The following RAB27A variants were observed in gnomAD, a reference collection of about 807,000 sequenced individuals.
The protein encoded by RAB27A is RAB27A, member RAS oncogene family.
In RAB27A, 17 loss-of-function variants were observed where a neutral mutation model predicts 20.8. The ratio of observed to expected loss-of-function variants is 0.82; its 90% CI spans 0.56 to 1.23. The LOEUF (loss-of-function observed/expected upper bound fraction) is 1.23, where lower values mean the gene tolerates loss of function less well. Ranked by LOEUF, RAB27A falls within the 50% of genes most tolerant of loss-of-function variation. RAB27A has a pLI of 0.00. For missense variants in RAB27A, 277 were observed against 266.7 expected (o/e 1.04, Z -0.27); for synonymous variants, 85 against 92.8 (o/e 0.92, Z 0.48).
At chr15:55,306,256 G>A (rs1266928604) in intron 2 of RAB27A, among the ~76,000 whole-genome samples, 1 of 152,180 alleles carries the variant, frequency 6.6e-6, no homozygotes, top group African/African-American at 2.4e-5. Context: ...TTTATGTGTT[G>A]AAGTTGTTCC....
chr15:55,259,659 A>G (rs577653926), intron 2 of RAB27A, among the ~76,000 whole-genome samples: 14 of 152,200 alleles, frequency 9.2e-5, no homozygotes, highest in Non-Finnish European at 1.8e-4. Flanking sequence ...TTTTTATTTA[A>G]GTCTTTAATA....
At chr15:55,212,974 T>C (rs1895101323) in intron 6 of RAB27A, among the ~76,000 whole-genome samples, 1 of 152,246 alleles carries the variant, frequency 6.6e-6, no homozygotes, top group Admixed American at 6.5e-5. Context: ...GTCGAAGTCA[T>C]CCTTTATACA....
intron 2 of RAB27A, among the ~76,000 whole-genome samples, chr15:55,299,049 T>A (rs1021286390): frequency 6.6e-6 from 1 of 152,184 alleles, no homozygotes; most frequent in Non-Finnish European, 1.5e-5. Context: ...TGAGGTGACA[T>A]ACATCCTCCT....
chr15:55,282,607 T>C (rs535860530), intron 1 of RAB27A, among the ~76,000 whole-genome samples: 19 of 152,272 alleles, frequency 1.2e-4, no homozygotes, highest in South Asian at 6.2e-4. Context: ...ATCTGGGAAG[T>C]AGACATTCCT....
At chr15:55,301,578 T>C (rs970509470) in intron 2 of RAB27A, among the ~76,000 whole-genome samples, 2 of 151,902 alleles carry the variant, frequency 1.3e-5, no homozygotes, top group Non-Finnish European at 2.9e-5. Context: ...TGGTTTTTAA[T>C]ATATTCACAA....
At position 55,204,116 on chromosome 15, in the gene RAB27A, G is replaced by A. The variant is rs1894530067; in HGVS notation, c.*1391C>T. ...TATTTTTATTCTTTATTTAAATTAT[G>A]GTGAGTGATATTTCTTCCTATATAG... On this transcript the variant is annotated 3_prime_UTR_variant, in exon 7 of 7. Transcript: ENST00000336787. 6.6e-6 allele frequency: 1 copy of A among 151,986 alleles called. No individual in the cohort carries two copies. Among genetic ancestry groups the A allele is most frequent in the Non-Finnish European group, 1.5e-5 (1 of 67,990 alleles). 9.4% of individuals were successfully genotyped at this position (151,986 alleles called of 1,614,324 possible). A position where few individuals can be genotyped will look rare whatever the true frequency, so the allele number is the denominator to read the frequency against.
At chr15:55,210,496 C>T (rs1359378093) in intron 6 of RAB27A, among the ~76,000 whole-genome samples, 1 of 149,764 alleles carries the variant, frequency 6.7e-6, no homozygotes, top group Admixed American at 6.6e-5. Context: ...TATCTCATTG[C>T]AGTTTTGATT....
At position 55,222,788 on chromosome 15, in the gene RAB27A, C is replaced by T. The variant is rs139154400; in HGVS notation, c.467+1101G>A. ...GGTAACATCCCCTACACCATCTACA[C>T]CATCTCTATTTCCCTCCCCTCCCTT... is the stretch of plus-strand genomic sequence containing the variant. On this transcript the variant is annotated intron_variant, in intron 6 of 6. Coordinates refer to ENST00000336787, the MANE Select transcript of RAB27A (RefSeq NM_183235.3). Among the ~76,000 whole-genome samples the T allele has an allele frequency of 3.5e-3, 536 of 152,324 alleles. 1 individual carries two copies. The highest frequency in any genetic ancestry group is 5.4e-3 in the Non-Finnish European group (366 of 68,036).
At chr15:55,209,069 G>C (rs981932783) in intron 6 of RAB27A, among the ~76,000 whole-genome samples, 2 of 152,110 alleles carry the variant, frequency 1.3e-5, no homozygotes, top group Non-Finnish European at 2.9e-5. Context: ...TTAATACACT[G>C]ATATAATGTG....
intron 1 of RAB27A, among the ~76,000 whole-genome samples, chr15:55,318,174 T>C (rs1195188323): frequency 1.3e-5 from 2 of 150,116 alleles, no homozygotes; most frequent in African/African-American, 4.9e-5. Flanking sequence ...CTCGGCTCAC[T>C]GCAAGCTCCG....
chr15:55,311,386 G>T (rs1397039183), intron 2 of RAB27A, among the ~76,000 whole-genome samples: 1 of 152,164 alleles, frequency 6.6e-6, no homozygotes, highest in Non-Finnish European at 1.5e-5. Context: ...CCACTGCTTG[G>T]AGTGGGCATA....
At chr15:55,207,810 G>A (rs1894725158) in intron 6 of RAB27A, among the ~76,000 whole-genome samples, 1 of 152,070 alleles carries the variant, frequency 6.6e-6, no homozygotes, top group Non-Finnish European at 1.5e-5. Flanking sequence ...AGCCTCCCAA[G>A]TAGCTGGGAC....
chr15:55,244,220 C>G (rs758467875), intron 2 of RAB27A, among the ~76,000 whole-genome samples: 5 of 152,062 alleles, frequency 3.3e-5, no homozygotes, highest in Non-Finnish European at 7.4e-5. Context: ...GGGGTTGAGG[C>G]AGGAGAATCA....
chr15:55,226,760 C>T (rs1412895961), intron 5 of RAB27A, among the ~76,000 whole-genome samples: 5 of 150,248 alleles, frequency 3.3e-5, no homozygotes, highest in East Asian at 3.9e-4. Flanking sequence ...CCCAGCTACT[C>T]GGGAGGCTGA....
intron 1 of RAB27A, among the ~76,000 whole-genome samples, chr15:55,286,215 A>G (rs1018961593): frequency 1.3e-5 from 2 of 152,170 alleles, no homozygotes; most frequent in Non-Finnish European, 2.9e-5. Flanking sequence ...AATGATCCCT[A>G]TTGCTCTGTC....
At chr15:55,218,244 C>T (rs1595681054) in intron 6 of RAB27A, among the ~76,000 whole-genome samples, 2 of 152,030 alleles carry the variant, frequency 1.3e-5, no homozygotes, top group East Asian at 3.9e-4. Flanking sequence ...AATTGAACAA[C>T]ATTTCCAGGA....
chr15:55,306,511 T>C (rs752957424), intron 2 of RAB27A, among the ~76,000 whole-genome samples: 6 of 152,176 alleles, frequency 3.9e-5, no homozygotes, highest in Non-Finnish European at 7.3e-5. Context: ...GTTTTTCTCT[T>C]GCCTGATCTT....
intron 2 of RAB27A, among the ~76,000 whole-genome samples, chr15:55,299,914 G>T (rs1439595127): frequency 6.6e-6 from 1 of 150,846 alleles, no homozygotes; most frequent in African/African-American, 2.4e-5. Flanking sequence ...TCCGCCTCCT[G>T]GGTTCATGCC....
rs749531175 is a variant in RAB27A at position 55,234,915 on chromosome 15, T to C, written c.20A>G (p.Asp7Gly). 1 of 1,612,580 alleles carries C rather than the reference T, an allele frequency of 6.2e-7. No individual in the cohort carries two copies. The highest frequency in any genetic ancestry group is 2.2e-5 in the East Asian group (1 of 44,780). MSDGDY[D>G]YLIKFLALGD... ...CAAAGCTAAAAACTTGATGAGGTAA[T>C]CATAATCTCCATCAGACATAATGAA... Residue 7 changes from aspartate (D) to glycine (G), a missense_variant, in exon 3 of 7, where the codon GAT (aspartate) becomes GGT (glycine). Coordinates refer to ENST00000336787, the MANE Select transcript of RAB27A (RefSeq NM_183235.3).
Sources: allele counts gnomAD v4.1 joint callset (sites outside exome capture counted in the v4.1 genomes callset), GRCh38; gene constraint gnomAD v4.1.1; transcripts MANE v1.5; gene names NCBI Gene and HGNC (gene_info 2026-07-23, HGNC 2026-07-21).